The following IL2RB variants were observed in gnomAD, a reference collection of about 807,000 sequenced individuals.
IL2RB encodes the protein interleukin-2 receptor subunit beta.
Under a neutral mutation model 44.2 loss-of-function variants are expected in IL2RB, and 17 were observed. The ratio of observed to expected loss-of-function variants is 0.38; its 90% CI spans 0.26 to 0.58. The LOEUF (loss-of-function observed/expected upper bound fraction) is 0.58. Ranked by LOEUF, IL2RB falls within the 20% of genes least tolerant of loss-of-function variation. The pLI is 0.63. For missense variants in IL2RB, 624 were observed against 685.5 expected (o/e 0.91, Z 1.00); for synonymous variants, 286 against 297.9 (o/e 0.96, Z 0.41).
At position 37,128,673 on chromosome 22, in the gene IL2RB, G is replaced by A. The variant is rs1354910198; in HGVS notation, c.1079C>T (p.Thr360Ile). 5 of 1,614,058 alleles carry A rather than the reference G, an allele frequency of 3.1e-6. No individual in the cohort carries two copies. The highest frequency in any genetic ancestry group is 4.2e-6 in the Non-Finnish European group (5 of 1,179,998). Reference protein sequence around the residue: ...SSNHSLTSCFTNQGYFFFHLP... With the variant: ...SSNHSLTSCFINQGYFFFHLP... ...GTGGAAGAAGAAGTAACCCTGGTTG[G>A]TGAAGCAGCTGGTCAGCGAGTGGTT... Residue 360 changes from threonine to isoleucine, a missense_variant, in exon 10 of 10, where the codon ACC becomes ATC. By Grantham distance (89) the Thr-to-Ile change is moderately conservative (BLOSUM62 -1). Transcript: ENST00000216223. The surrounding 1 kb of genome is among the most constrained non-coding windows in gnomAD (Gnocchi z 4.5).
chr22:37,144,002 C>G, intron 2 of IL2RB, 83 bp downstream of exon 2: 1 of 1,542,550 alleles, frequency 6.5e-7, no homozygotes, highest in African/African-American at 1.4e-5. Flanking sequence ...CTGGCCCCAT[C>G]CCCTTCTGGG....
At chr22:37,159,474 G>A (rs1922786992) in intron 1 of IL2RB, among the ~76,000 whole-genome samples, 1 of 152,108 alleles carries the variant, frequency 6.6e-6, no homozygotes, top group African/African-American at 2.4e-5. Flanking sequence ...CGGGAAAGAT[G>A]CCCATTTCAG....
At chr22:37,137,440 C>T in intron 6 of IL2RB, 147 bp downstream of exon 6, 1 of 783,668 alleles carries the variant, frequency 1.3e-6, no homozygotes, top group Non-Finnish European at 2.1e-6. Flanking sequence ...GGGAGGCAGC[C>T]CCAGGCAGTG....
At chr22:37,132,580 T>C (rs2146229523) in intron 8 of IL2RB, 112 bp from the exon 9 acceptor site, 1 of 712,210 alleles carries the variant, frequency 1.4e-6, no homozygotes, top group East Asian at 2.7e-5. Context: ...CACATTTACT[T>C]ATGTATTTCT....
At position 37,128,456 on chromosome 22, in the gene IL2RB, G is replaced by T. The variant is rs143704470; in HGVS notation, c.1296C>A (p.Pro432=). 2.0e-5 allele frequency: 32 copies of T among 1,570,770 alleles called. No homozygotes were observed. In the African/African-American group the frequency reaches 2.4e-4, roughly 12 times the overall value. Residue 432 remains proline, a synonymous_variant, in exon 10 of 10, where the codon CCC becomes CCA. Coordinates refer to ENST00000216223, the MANE Select transcript of IL2RB (RefSeq NM_000878.5). The surrounding 1 kb of genome is among the most constrained non-coding windows in gnomAD (Gnocchi z 4.5). ...GGGGGCTGGGGCCACCGAGGAGACT[G>T]GGGGAGAAGAGCAGCAGGTCATCCC... ...PSRDDLLLFS[P]SLLGGPSPPS...
chr22:37,170,453 G>A lies in IL2RB; in HGVS notation c.-34+4505C>T, dbSNP rs116212729. 6.3e-3 allele frequency among the ~76,000 whole-genome samples: 959 copies of A among 152,238 alleles called. 14 individuals are homozygous for A. The highest frequency in any genetic ancestry group is 0.024 in the Middle Eastern group (7 of 294). On this transcript the variant is annotated intron_variant, in intron 1 of 5. Coordinates refer to the IL2RB transcript ENST00000429622. The stretch of plus-strand genomic sequence containing the variant: ...CGGGGGCAGACTCTGCACTGTCCCC[G>A]CTGCCCCCAGCCGTGGAGAGATGCG...
chr22:37,164,812 C>T (rs759641843), intron 1 of IL2RB, among the ~76,000 whole-genome samples: 2 of 152,130 alleles, frequency 1.3e-5, no homozygotes, highest in Non-Finnish European at 2.9e-5. Context: ...CATAGCCTTC[C>T]CAGGGAGGTA....
At chr22:37,165,945 G>A (rs1281287578) in intron 1 of IL2RB, among the ~76,000 whole-genome samples, 3 of 152,174 alleles carry the variant, frequency 2.0e-5, no homozygotes, top group South Asian at 2.1e-4. Context: ...GTCATTCCTC[G>A]CCAGGGGAGC....
At chr22:37,168,163 C>T (rs229496) in intron 1 of IL2RB, among the ~76,000 whole-genome samples, 35 of 152,128 alleles carry the variant, frequency 2.3e-4, no homozygotes, top group Admixed American at 5.9e-4. Context: ...CCTGGTATCA[C>T]GTGAGAAGAG....
intron 9 of IL2RB, among the ~76,000 whole-genome samples, chr22:37,131,662 A>G (rs908423262): frequency 1.3e-5 from 2 of 152,172 alleles, no homozygotes; most frequent in Non-Finnish European, 2.9e-5. Context: ...GTCTGCACAG[A>G]CAGTGGGGTG....
chr22:37,143,551 G>A lies in IL2RB; in HGVS notation c.173C>T (p.Ser58Phe). The change falls in exon 3 of 10, where the codon TCC becomes TTC. Residue 58 changes from serine (S) to phenylalanine (F), a missense_variant. Transcript: ENST00000216223. ...GTCCGGCCAGGCATGGACTTGGCAG[G>A]AAGTGTCCTGCAGAGCCCCATCTTG... ...WSQDGALQDT[S>F]CQVHAWPDRR... 6.2e-7 allele frequency: 1 copy of A among 1,613,914 alleles called. No individual in the cohort carries two copies. Among genetic ancestry groups the A allele is most frequent in the South Asian group, 1.1e-5 (1 of 91,070 alleles).
At chr22:37,156,153 CT>C (rs1368181141) in intron 1 of IL2RB, among the ~76,000 whole-genome samples, 1 of 152,200 alleles carries the variant, frequency 6.6e-6, no homozygotes, top group Non-Finnish European at 1.5e-5. Flanking sequence ...ACACTGTAGC[CT>C]CCAGCCTCCT....
At chr22:37,172,639 A>G (rs1923328285) in intron 1 of IL2RB, among the ~76,000 whole-genome samples, 3 of 152,214 alleles carry the variant, frequency 2.0e-5, no homozygotes, top group African/African-American at 7.2e-5. Context: ...CCGCATTTCT[A>G]ATGAAGGCTT....
At chr22:37,139,090 C>G (rs12170117) in intron 5 of IL2RB, 27 bp downstream of exon 5, 8 of 1,479,414 alleles carry the variant, frequency 5.4e-6, no homozygotes, top group Non-Finnish European at 7.6e-6. Context: ...AGCCCTGCCC[C>G]AGCCCCACCC....
chr22:37,137,812 C>T, intron 5 of IL2RB, 77 bp from the exon 6 acceptor site: 2 of 1,336,470 alleles, frequency 1.5e-6, no homozygotes, highest in Non-Finnish European at 2.1e-6. Flanking sequence ...ACTCCTCCCT[C>T]CTGGCACATG....
At chr22:37,151,643 A>G (rs1352438742), upstream of IL2RB, among the ~76,000 whole-genome samples, 2 of 152,180 alleles carry the variant, frequency 1.3e-5, no homozygotes, top group African/African-American at 2.4e-5. Flanking sequence ...GCCTAGTCCC[A>G]TGTCCTAAAG....
At position 37,127,959 on chromosome 22, in the gene IL2RB, G is replaced by A; in HGVS notation, c.*137C>T. The A allele has an allele frequency of 1.6e-6, 1 of 628,220 alleles. No individual in the cohort carries two copies. The highest frequency in any genetic ancestry group is 2.5e-6 in the Non-Finnish European group (1 of 407,460). The allele number at this position is 628,220 out of a possible 1,614,324, so 38.9% of individuals were successfully genotyped here. A position where few individuals can be genotyped will look rare whatever the true frequency, so the allele number is the denominator to read the frequency against. ...TGGACCAAGTGTGCAGGACTGGGTG[G>A]GGGCCATCCGGGTGGAGAAGTCCAG... On this transcript the variant is annotated 3_prime_UTR_variant, in exon 10 of 10. Coordinates refer to ENST00000216223, the MANE Select transcript of IL2RB (RefSeq NM_000878.5).
chr22:37,165,346 TC>T (rs1276703983), intron 1 of IL2RB, among the ~76,000 whole-genome samples: 1 of 152,236 alleles, frequency 6.6e-6, no homozygotes, highest in Non-Finnish European at 1.5e-5. Context: ...ACCCACTCTG[TC>T]CTTCCTAATG....
intron 8 of IL2RB, among the ~76,000 whole-genome samples, chr22:37,132,919 A>G (rs1047341047): frequency 1.3e-5 from 2 of 152,178 alleles, no homozygotes; most frequent in African/African-American, 4.8e-5. Context: ...TTCAGGTTGT[A>G]CACTGCCCAA....
Sources: allele counts gnomAD v4.1 joint callset (sites outside exome capture counted in the v4.1 genomes callset), GRCh38; gene constraint gnomAD v4.1.1; non-coding constraint Gnocchi (gnomAD v3.1); transcripts MANE v1.5; gene names NCBI Gene and HGNC (gene_info 2026-07-23, HGNC 2026-07-21).